Variants in TM9SF2 observed in about 807,000 individuals in gnomAD.
TM9SF2 encodes the protein 76 kDa membrane protein.
TM9SF2 carries 13 observed loss-of-function variants against 84.9 expected under a neutral mutation model. The observed-to-expected ratio is 0.15, with a 90% CI of 0.10 to 0.24. The LOEUF (loss-of-function observed/expected upper bound fraction) is 0.24. TM9SF2 is among the 10% of genes least tolerant of loss of function. The pLI is 1.00. For missense variants in TM9SF2, 562 were observed against 818.5 expected, an observed-to-expected ratio of 0.69 and a Z score of 3.82; for synonymous variants, 273 against 285.8, an observed-to-expected ratio of 0.96 and a Z score of 0.45.
At chr13:99,529,031 A>C (rs1025036738) in intron 3 of TM9SF2, among the ~76,000 whole-genome samples, 2 of 142,772 alleles carry the variant, frequency 1.4e-5, no homozygotes, top group African/African-American at 4.9e-5. Flanking sequence ...CTATCACCTG[A>C]CACTTAAGGA....
chr13:99,561,214 C>G (rs185666329), intron 16 of TM9SF2, among the ~76,000 whole-genome samples: 37 of 152,294 alleles, frequency 2.4e-4, no homozygotes, highest in Admixed American at 2.3e-3. Flanking sequence ...TCTGTATTTG[C>G]TTCAGTACTC....
chr13:99,507,615 A>C (rs929656022), intron 1 of TM9SF2, among the ~76,000 whole-genome samples: 1 of 152,224 alleles, frequency 6.6e-6, no homozygotes, highest in Non-Finnish European at 1.5e-5. Context: ...GAGCTCATAA[A>C]TAAGCATTTG....
chr13:99,556,881 T>C (rs2046327057), intron 15 of TM9SF2, among the ~76,000 whole-genome samples: 1 of 152,200 alleles, frequency 6.6e-6, no homozygotes, highest in African/African-American at 2.4e-5. Flanking sequence ...CCACCGCGCC[T>C]GGCCACTTCA....
In TM9SF2 at chr13:99,554,295, T is replaced by C. The variant is rs1174944407; in HGVS notation, c.1489-9T>C. 2 of 1,604,798 alleles carry C rather than the reference T, an allele frequency of 1.2e-6. No individual in the cohort carries two copies. Among genetic ancestry groups the C allele is most frequent in the Non-Finnish European group, 1.7e-6 (2 of 1,175,804 alleles). On this transcript the variant is annotated splice_polypyrimidine_tract_variant and intron_variant, in intron 13 of 16. Transcript: ENST00000376387. The stretch of plus-strand genomic sequence containing the variant: ...AATTATGAATTCTTCCTTCCTTTTT[T>C]TACTGAAGGCCATTGAACACCCAGT...
Position 99,543,850 on chromosome 13 carries a change from A to C in TM9SF2, c.1018-13A>C, listed in dbSNP as rs753619896. ...ACCATGAGACAATCGAACTGATTTC[A>C]TTCCCCTTTTAGGAAGATGCCCAGG... On this transcript the variant is annotated splice_polypyrimidine_tract_variant and intron_variant, in intron 9 of 16. Coordinates refer to ENST00000376387, the MANE Select transcript of TM9SF2 (RefSeq NM_004800.3). 2.5e-6 allele frequency: 4 copies of C among 1,613,512 alleles called. No individual in the cohort carries two copies. In the South Asian group the frequency reaches 4.4e-5, roughly 18 times the overall value.
chr13:99,531,441 G>C lies in TM9SF2; in HGVS notation c.461+1847G>C, dbSNP rs2046209343. On this transcript the variant is annotated intron_variant, in intron 4 of 16. Coordinates refer to ENST00000376387, the MANE Select transcript of TM9SF2 (RefSeq NM_004800.3). The stretch of plus-strand genomic sequence containing the variant: ...GTGGATCTCAGCTGAGACCTGACCA[G>C]ATCCTGTGGCCTCGCATTCCCTCCT... Among the ~76,000 whole-genome samples the C allele has an allele frequency of 2.0e-5, 3 of 152,254 alleles. No homozygotes were observed. The South Asian group carries it at 6.2e-4, about 32-fold the overall frequency.
At chr13:99,514,887 T>C (rs1262524834) in intron 1 of TM9SF2, among the ~76,000 whole-genome samples, 3 of 152,202 alleles carry the variant, frequency 2.0e-5, no homozygotes, top group Non-Finnish European at 4.4e-5. Context: ...CAGGTGCTGC[T>C]CTTGAATCTT....
Position 99,562,893 on chromosome 13 carries a change from A to G in TM9SF2, c.*135A>G. ...TTCAGAAACACCGTAATTCTAAATAAACCTCTTCCCATACACCTTTCCCCC... is the reference window on the plus strand; with the variant it reads ...TTCAGAAACACCGTAATTCTAAATAGACCTCTTCCCATACACCTTTCCCCC... On this transcript the variant is annotated 3_prime_UTR_variant, in exon 17 of 17. Transcript: ENST00000376387. The G allele has an allele frequency of 1.3e-6, 1 of 756,374 alleles. No homozygotes were observed. The allele number at this position is 756,374 out of a possible 1,614,324, so 46.9% of individuals were successfully genotyped here.
At chr13:99,534,179 A>G (rs1450398569) in intron 4 of TM9SF2, among the ~76,000 whole-genome samples, 5 of 152,192 alleles carry the variant, frequency 3.3e-5, no homozygotes, top group Admixed American at 2.0e-4. Context: ...TTTTATTTAT[A>G]AAAATATAAT....
At chr13:99,512,598 A>G (rs1334498091) in intron 1 of TM9SF2, among the ~76,000 whole-genome samples, 2 of 152,244 alleles carry the variant, frequency 1.3e-5, no homozygotes, top group African/African-American at 2.4e-5. Flanking sequence ...AGTGATAGTA[A>G]TTGGTTTAAA....
chr13:99,530,710 C>G (rs1372012330), intron 4 of TM9SF2, among the ~76,000 whole-genome samples: 1 of 152,114 alleles, frequency 6.6e-6, no homozygotes, highest in African/African-American at 2.4e-5. Flanking sequence ...TCAAATAAAA[C>G]GCTTACATTT....
chr13:99,560,207 A>C (rs1027374538), intron 16 of TM9SF2, among the ~76,000 whole-genome samples: 1 of 152,192 alleles, frequency 6.6e-6, no homozygotes, highest in African/African-American at 2.4e-5. Flanking sequence ...GTGCATCTAA[A>C]ATGTTAGCTC....
chr13:99,532,419 G>A (rs193086844), intron 4 of TM9SF2, among the ~76,000 whole-genome samples: 12 of 152,196 alleles, frequency 7.9e-5, no homozygotes, highest in African/African-American at 2.6e-4. Context: ...GCCCGGCACC[G>A]TGGCTCATGC....
At chr13:99,535,835 C>G (rs1398279550) in intron 4 of TM9SF2, among the ~76,000 whole-genome samples, 5 of 152,142 alleles carry the variant, frequency 3.3e-5, no homozygotes, top group Non-Finnish European at 5.9e-5. Context: ...CATGCTTGGA[C>G]TGTAATGTAG....
At chr13:99,552,672 C>G (rs554802380) in intron 13 of TM9SF2, among the ~76,000 whole-genome samples, 1 of 152,284 alleles carries the variant, frequency 6.6e-6, no homozygotes, top group South Asian at 2.1e-4. Context: ...GGCGCCATCT[C>G]GGCTCACTGC....
chr13:99,506,579 TG>T (rs1356739575), intron 1 of TM9SF2, among the ~76,000 whole-genome samples: 2 of 152,232 alleles, frequency 1.3e-5, no homozygotes, highest in Non-Finnish European at 2.9e-5. Flanking sequence ...AGACTGTAAT[TG>T]TTCATTATAG....
intron 1 of TM9SF2, among the ~76,000 whole-genome samples, chr13:99,512,984 C>T (rs1465754868): frequency 2.0e-5 from 3 of 152,144 alleles, no homozygotes; most frequent in African/African-American, 7.2e-5. Context: ...AATATATTTT[C>T]AGAAGCTCTC....
At position 99,554,381 on chromosome 13, in the gene TM9SF2, T is replaced by G. The variant is rs758410763; in HGVS notation, c.1566T>G (p.Pro522=). The change falls in exon 14 of 17, where the codon CCT becomes CCG. Residue 522 remains proline (P), a synonymous_variant. Transcript: ENST00000376387. The part of the protein sequence containing the change: ...PEQSFYTKPL[P]GIIMGGILPF... ...AGTCGTTCTACACGAAGCCCTTGCC[T>G]GGTATTATCATGGGAGGGATTTTGC... The G allele has an allele frequency of 2.5e-6, 4 of 1,614,120 alleles. No individual in the cohort carries two copies. Among genetic ancestry groups the G allele is most frequent in the Admixed American group, 1.7e-5 (1 of 60,014 alleles).
intron 11 of TM9SF2, among the ~76,000 whole-genome samples, chr13:99,547,997 T>G (rs2046290721): frequency 6.6e-6 from 1 of 152,222 alleles, no homozygotes; most frequent in African/African-American, 2.4e-5. Context: ...TTTTAATTTC[T>G]GTGAATTTTG....
Sources: allele counts gnomAD v4.1 joint callset (sites outside exome capture counted in the v4.1 genomes callset), GRCh38; gene constraint gnomAD v4.1.1; transcripts MANE v1.5; gene names NCBI Gene and HGNC (gene_info 2026-07-23, HGNC 2026-07-21).